The following CUX1 variants were observed in gnomAD, a reference collection of about 807,000 sequenced individuals.
The protein encoded by CUX1 is protein CASP.
In CUX1, 31 loss-of-function variants were observed where a neutral mutation model predicts 158.8. The observed-to-expected ratio is 0.20, with a 90% CI of 0.15 to 0.26. The LOEUF is 0.26. Among genes scored for constraint, CUX1 ranks in the 10% least tolerant of loss-of-function variants. The probability of loss-of-function intolerance (pLI) is 1.00; values close to 1 mark genes in which losing one functional copy is unlikely to be tolerated. For synonymous variants in CUX1, 879 were observed against 862.1 expected (o/e 1.02, Z -0.34); for missense variants, 1,589 against 2,014.6 (o/e 0.79, Z 4.04).
intron 1 of CUX1, among the ~76,000 whole-genome samples, chr7:101,835,640 T>C (rs1794540758): frequency 6.6e-6 from 1 of 152,220 alleles, no homozygotes; most frequent in Admixed American, 6.5e-5. Flanking sequence ...AGGCATGCAA[T>C]TCATAATAAT....
intron 1 of CUX1, among the ~76,000 whole-genome samples, chr7:101,884,673 C>T (rs1005679517): frequency 3.9e-5 from 6 of 152,082 alleles, no homozygotes; most frequent in African/African-American, 7.2e-5. Context: ...CAGATAATTC[C>T]GTTTAATGTC....
intron 1 of CUX1, among the ~76,000 whole-genome samples, chr7:101,910,707 A>G (rs1323551526): frequency 6.6e-6 from 1 of 151,276 alleles, no homozygotes; most frequent in African/African-American, 2.4e-5. Flanking sequence ...AGATCACACC[A>G]GCGCACCCCA....
chr7:101,898,391 C>T (rs1038604705), intron 1 of CUX1, among the ~76,000 whole-genome samples: 8 of 152,140 alleles, frequency 5.3e-5, no homozygotes, highest in African/African-American at 1.9e-4. Context: ...GTGTTTAAAG[C>T]AGTGGGGACG....
At chr7:102,220,572 C>G (rs1033719647) in intron 20 of CUX1, among the ~76,000 whole-genome samples, 2 of 152,166 alleles carry the variant, frequency 1.3e-5, no homozygotes, top group Admixed American at 6.5e-5. Flanking sequence ...TCTTCTGAAG[C>G]TGTCAGCACC....
intron 1 of CUX1, among the ~76,000 whole-genome samples, chr7:101,853,439 T>C (rs1371988970): frequency 6.6e-6 from 1 of 152,238 alleles, no homozygotes; most frequent in Non-Finnish European, 1.5e-5. Context: ...GTTGTGCGGC[T>C]AGACCCAAAT....
chr7:102,216,814 ACACT>A (rs1291153931), intron 20 of CUX1, among the ~76,000 whole-genome samples: 14 of 99,868 alleles, frequency 1.4e-4, no homozygotes, highest in South Asian at 3.9e-4. Flanking sequence ...ACCCCCACAC[ACACT>A]CTCCCACCAC....
rs1795694865 is a variant in CUX1 at position 101,846,410 on chromosome 7, C to A, written c.30+28741C>A. 3.9e-5 allele frequency among the ~76,000 whole-genome samples: 6 copies of A among 152,242 alleles called. No homozygotes were observed. The South Asian group carries it at 1.2e-3, about 32-fold the overall frequency. Reference sequence around the variant, plus strand: ...CCTAGCTCACTGCAGCCTCGACCTCCTGGGATCAAGCGATCCTCCCACCAC... The same window carrying A: ...CCTAGCTCACTGCAGCCTCGACCTCATGGGATCAAGCGATCCTCCCACCAC... On this transcript the variant is annotated intron_variant, in intron 1 of 23. Coordinates refer to ENST00000292535, the MANE Select transcript of CUX1 (RefSeq NM_181552.4).
intron 4 of CUX1, among the ~76,000 whole-genome samples, chr7:102,088,610 G>A (rs1428806737): frequency 6.6e-6 from 1 of 152,052 alleles, no homozygotes; most frequent in Non-Finnish European, 1.5e-5. Flanking sequence ...CTCCAGCCTG[G>A]GTGACAGAGC....
At chr7:101,822,851 A>G (rs1191013684) in intron 1 of CUX1, among the ~76,000 whole-genome samples, 2 of 151,058 alleles carry the variant, frequency 1.3e-5, no homozygotes, top group African/African-American at 4.9e-5. Flanking sequence ...CAGTGAGCTG[A>G]GATCGTGTGA....
At chr7:102,003,538 G>T (rs1816971049) in intron 2 of CUX1, among the ~76,000 whole-genome samples, 3 of 152,188 alleles carry the variant, frequency 2.0e-5, no homozygotes, top group Non-Finnish European at 4.4e-5. Flanking sequence ...GTCTGAGCTG[G>T]AGGAAGGAAG....
At chr7:102,180,314 C>CTTT (rs782269252) in intron 11 of CUX1, among the ~76,000 whole-genome samples, 32 of 127,746 alleles carry the variant, frequency 2.5e-4, no homozygotes, top group African/African-American at 8.7e-4. Flanking sequence ...GAGCCACTGC[C>CTTT]TTTTTTTTTT....
chr7:101,985,288 G>A (rs944871188), intron 2 of CUX1, among the ~76,000 whole-genome samples: 4 of 152,290 alleles, frequency 2.6e-5, no homozygotes, highest in Non-Finnish European at 5.9e-5. Context: ...GGTCGTGCGG[G>A]GAGATCAGCC....
chr7:101,973,961 G>A (rs1336594706), intron 2 of CUX1, among the ~76,000 whole-genome samples: 1 of 151,470 alleles, frequency 6.6e-6, no homozygotes, highest in Admixed American at 6.6e-5. Flanking sequence ...GTAGAGACGG[G>A]GTTTCACTAT....
chr7:102,234,830 G>C (rs1419971338), intron 22 of CUX1, among the ~76,000 whole-genome samples: 1 of 151,748 alleles, frequency 6.6e-6, no homozygotes, highest in Non-Finnish European at 1.5e-5. Flanking sequence ...TACTTGGGAG[G>C]CTGAGGCACA....
Position 101,879,014 on chromosome 7 carries a change from A to C in CUX1, c.31-37101A>C, listed in dbSNP as rs1398420594. Among the ~76,000 whole-genome samples, 3 of 151,934 alleles carry C rather than the reference A, an allele frequency of 2.0e-5. No individual in the cohort carries two copies. In the East Asian group the frequency reaches 5.8e-4, roughly 29 times the overall value. ...AAGTAACTATGGTATTTTTTTCGAG[A>C]ATTCTGTTAGGGCGAGAAGCCCATT... On this transcript the variant is annotated intron_variant, in intron 1 of 23. Transcript: ENST00000292535.
chr7:102,149,846 C>T (rs1835442197), intron 8 of CUX1, among the ~76,000 whole-genome samples: 1 of 152,168 alleles, frequency 6.6e-6, no homozygotes, highest in African/African-American at 2.4e-5. Context: ...CTGTCTCCAC[C>T]GCTTCAGCAA....
intron 1 of CUX1, among the ~76,000 whole-genome samples, chr7:101,874,648 T>C (rs1798929093): frequency 2.0e-5 from 3 of 152,132 alleles, no homozygotes; most frequent in Non-Finnish European, 4.4e-5. Flanking sequence ...AGCTGGCCAG[T>C]GTGGCCCGGT....
chr7:102,126,009 A>C (rs1023760181), intron 8 of CUX1, among the ~76,000 whole-genome samples: 1 of 149,726 alleles, frequency 6.7e-6, no homozygotes, highest in Non-Finnish European at 1.5e-5. Flanking sequence ...TCCCTTTTTT[A>C]TGTTTTATTT....
In CUX1 at chr7:101,947,629, AAAAG is replaced by A. The variant is rs1808558617; in HGVS notation, c.141+31410_141+31413del. Among the ~76,000 whole-genome samples the A allele has an allele frequency of 2.0e-5, 3 of 152,334 alleles. No individual in the cohort carries two copies. The South Asian group carries it at 6.2e-4, about 32-fold the overall frequency. ...CACAATACAGTCTCTAAAATTAAAG[AAAAG>A]AAAGATTTATTTCCAAAAAAGCCCA... On this transcript the variant is annotated intron_variant, in intron 2 of 23. Transcript: ENST00000292535.
Sources: allele counts gnomAD v4.1 joint callset (sites outside exome capture counted in the v4.1 genomes callset), GRCh38; gene constraint gnomAD v4.1.1; transcripts MANE v1.5; gene names NCBI Gene and HGNC (gene_info 2026-07-23, HGNC 2026-07-21).